B3GALT1: variants seen among roughly 807,000 people sequenced by gnomAD.
B3GALT1 encodes the protein beta-1,3-galactosyltransferase 1, also known as UDP-Gal:betaGlcNAc beta 1,3-galactosyltransferase, polypeptide 1.
Under a neutral mutation model 23.2 loss-of-function variants are expected in B3GALT1, and 10 were observed. That is an observed-to-expected ratio of 0.43 (90% CI 0.27 to 0.73). B3GALT1 has a LOEUF of 0.73. Among genes scored for constraint, B3GALT1 ranks in the 30% least tolerant of loss-of-function variants. The pLI is 0.21. For synonymous variants in B3GALT1, 156 were observed against 141.5 expected (o/e 1.10, Z -0.73); for missense variants, 299 against 405.4 (o/e 0.74, Z 2.25).
chr2:167,731,180 G>A (rs924772884), intron 3 of B3GALT1, among the ~76,000 whole-genome samples: 4 of 152,146 alleles, frequency 2.6e-5, no homozygotes, highest in Non-Finnish European at 5.9e-5. Flanking sequence ...TGAAATTTGG[G>A]CAAATATTTA....
At chr2:167,335,196 A>AT (rs1307006110) in intron 1 of B3GALT1, among the ~76,000 whole-genome samples, 1 of 151,812 alleles carries the variant, frequency 6.6e-6, no homozygotes, top group African/African-American at 2.4e-5. Flanking sequence ...AGAAAAAAAA[A>AT]CGGTGGGCGG....
intron 2 of B3GALT1, among the ~76,000 whole-genome samples, chr2:167,525,176 A>G (rs1400275865): frequency 6.6e-6 from 1 of 152,204 alleles, no homozygotes; most frequent in Non-Finnish European, 1.5e-5. Flanking sequence ...ATGTCTCTAT[A>G]TCAGAATGTT....
At chr2:167,538,560 T>G (rs1043729169) in intron 2 of B3GALT1, among the ~76,000 whole-genome samples, 1 of 152,174 alleles carries the variant, frequency 6.6e-6, no homozygotes, top group African/African-American at 2.4e-5. Context: ...TCTGTAGACT[T>G]TAAAACATTG....
chr2:167,827,566 T>G (rs1422446556), intron 4 of B3GALT1, among the ~76,000 whole-genome samples: 2 of 152,204 alleles, frequency 1.3e-5, no homozygotes, highest in African/African-American at 4.8e-5. Context: ...AGGCCTGTTT[T>G]CTGCAAATAG....
At chr2:167,639,581 T>C (rs1225515063) in intron 2 of B3GALT1, among the ~76,000 whole-genome samples, 1 of 113,410 alleles carries the variant, frequency 8.8e-6, no homozygotes, top group Non-Finnish European at 1.9e-5. Flanking sequence ...AGAAGCTTTA[T>C]ATTAGTGATT....
chr2:167,446,855 C>T (rs931780256), intron 1 of B3GALT1, among the ~76,000 whole-genome samples: 11 of 151,688 alleles, frequency 7.3e-5, no homozygotes, highest in African/African-American at 2.2e-4. Context: ...GCCTTCTTCT[C>T]TCAAATCGTC....
intron 4 of B3GALT1, among the ~76,000 whole-genome samples, chr2:167,823,708 C>T (rs886921782): frequency 2.6e-5 from 4 of 152,204 alleles, no homozygotes; most frequent in African/African-American, 9.6e-5. Flanking sequence ...GTGGCCCCAG[C>T]TCATTCCAAG....
At chr2:167,607,745 G>C (rs577654029) in intron 2 of B3GALT1, among the ~76,000 whole-genome samples, 1 of 152,038 alleles carries the variant, frequency 6.6e-6, no homozygotes, top group African/African-American at 2.4e-5. Context: ...TTTAGTGTGG[G>C]CTCCTACTAC....
intron 4 of B3GALT1, among the ~76,000 whole-genome samples, chr2:167,831,931 G>A (rs1015079950): frequency 3.3e-5 from 5 of 152,070 alleles, no homozygotes; most frequent in South Asian, 2.1e-4. Context: ...CTAATAGTTC[G>A]CCAAATGGTT....
chr2:167,561,217 C>T (rs1683980719), intron 2 of B3GALT1, among the ~76,000 whole-genome samples: 1 of 152,116 alleles, frequency 6.6e-6, no homozygotes, highest in African/African-American at 2.4e-5. Context: ...GGGTACATAA[C>T]AAAATGAAGG....
intron 1 of B3GALT1, among the ~76,000 whole-genome samples, chr2:167,305,179 GAT>G (rs1559060803): frequency 6.6e-6 from 1 of 152,104 alleles, no homozygotes; most frequent in Non-Finnish European, 1.5e-5. Flanking sequence ...TATCTTTCCA[GAT>G]ACTGTGCCTA....
intron 1 of B3GALT1, among the ~76,000 whole-genome samples, chr2:167,481,156 T>A (rs1414516786): frequency 6.6e-6 from 1 of 152,234 alleles, no homozygotes; most frequent in Non-Finnish European, 1.5e-5. Context: ...AATGTGCATC[T>A]TTGTTCTCTC....
intron 3 of B3GALT1, among the ~76,000 whole-genome samples, chr2:167,733,062 A>G (rs1175935093): frequency 1.3e-5 from 2 of 152,226 alleles, no homozygotes; most frequent in African/African-American, 4.8e-5. Flanking sequence ...TACTAAATCT[A>G]ACCATCGGGG....
chr2:167,635,735 G>A (rs1292045125), intron 2 of B3GALT1, among the ~76,000 whole-genome samples: 1 of 152,064 alleles, frequency 6.6e-6, no homozygotes, highest in Non-Finnish European at 1.5e-5. Context: ...CTCATGGATA[G>A]GAAGAATCAA....
rs185593578 is a variant in B3GALT1, at chr2:167,566,787, C to G, written c.-410+76510C>G. 6.2e-4 allele frequency among the ~76,000 whole-genome samples: 95 copies of G among 152,254 alleles called. 2 individuals carry two copies. In the East Asian group the frequency reaches 0.016, roughly 26 times the overall value. ...AATTTCAATGCTGTCCTGAGTCACT[C>G]AGTCCTTTAAAAGGCAGTGTCAGTG... On this transcript the variant is annotated intron_variant, in intron 2 of 4. Coordinates refer to ENST00000392690, the MANE Select transcript of B3GALT1 (RefSeq NM_020981.4).
intron 1 of B3GALT1, among the ~76,000 whole-genome samples, chr2:167,361,946 C>T (rs775754717): frequency 6.6e-6 from 1 of 151,906 alleles, no homozygotes; most frequent in Non-Finnish European, 1.5e-5. Flanking sequence ...TGGTGGCAGG[C>T]GCCCTTGGTC....
chr2:167,386,695 A>C (rs1697934284), intron 1 of B3GALT1, among the ~76,000 whole-genome samples: 1 of 152,214 alleles, frequency 6.6e-6, no homozygotes, highest in Admixed American at 6.5e-5. Context: ...TCAGTGTCTG[A>C]CATGCAAATT....
At chr2:167,817,289 A>G (rs967006295) in intron 3 of B3GALT1, among the ~76,000 whole-genome samples, 5 of 152,238 alleles carry the variant, frequency 3.3e-5, no homozygotes, top group African/African-American at 1.2e-4. Context: ...ATGATGACAG[A>G]TAATACGTAT....
At chr2:167,817,430 T>C (rs2105360237) in intron 3 of B3GALT1, among the ~76,000 whole-genome samples, 1 of 152,290 alleles carries the variant, frequency 6.6e-6, no homozygotes, top group East Asian at 1.9e-4. Flanking sequence ...TCATGACAAC[T>C]CTAGGATTCA....
Sources: allele counts gnomAD v4.1 joint callset (sites outside exome capture counted in the v4.1 genomes callset), GRCh38; gene constraint gnomAD v4.1.1; transcripts MANE v1.5; gene names NCBI Gene and HGNC (gene_info 2026-07-23, HGNC 2026-07-21).